The following TARS1 variants were observed in gnomAD, a reference collection of about 807,000 sequenced individuals.
TARS1 encodes threonyl-tRNA synthetase 1.
Under a neutral mutation model 97.7 loss-of-function variants are expected in TARS1, and 57 were observed. The observed-to-expected ratio is 0.58, with a 90% CI of 0.47 to 0.73. The LOEUF is 0.73. Among genes scored for constraint, TARS1 ranks in the 30% least tolerant of loss-of-function variants. The pLI, the probability that TARS1 is intolerant of heterozygous loss-of-function variation, is 0.00. For synonymous variants in TARS1, 312 were observed against 293.7 expected, an observed-to-expected ratio of 1.06 and a Z score of -0.64; for missense variants, 806 against 888.3, an observed-to-expected ratio of 0.91 and a Z score of 1.18.
chr5:33,452,927 C>T (rs893299151), intron 3 of TARS1, among the ~76,000 whole-genome samples: 14 of 150,062 alleles, frequency 9.3e-5, no homozygotes, highest in East Asian at 3.9e-4. Context: ...GGCCAGCCTG[C>T]GCAACATAGC....
intron 2 of TARS1, 96 bp from the exon 3 acceptor site, chr5:33,448,445 G>A: frequency 9.4e-7 from 1 of 1,064,656 alleles, no homozygotes; most frequent in East Asian, 2.7e-5. Context: ...AATAGTCCTG[G>A]GTTTCTGTAT....
chr5:33,455,549 C>G, intron 5 of TARS1, 38 bp from the exon 6 acceptor site: 1 of 1,368,474 alleles, frequency 7.3e-7, no homozygotes. Flanking sequence ...TGGTGTGATT[C>G]GAATGGAATG....
chr5:33,459,045 T>C (rs1273647772), intron 10 of TARS1, among the ~76,000 whole-genome samples: 1 of 152,204 alleles, frequency 6.6e-6, no homozygotes, highest in Non-Finnish European at 1.5e-5. Flanking sequence ...TACCCACATT[T>C]AACAAATATT....
In TARS1 at chr5:33,458,564, A is replaced by G. The variant is rs977587790; in HGVS notation, c.985-2A>G. On this transcript the variant is annotated splice_acceptor_variant, in intron 9 of 18. Transcript: ENST00000265112. LOFTEE classifies it high-confidence loss of function. ...ACATTCTTTTGCTTTTCTTTTACCC[A>G]GGACCAAGAACTATATTTCTTTCAT... 6.2e-7 allele frequency: 1 copy of G among 1,611,086 alleles called. No homozygotes were observed. Among genetic ancestry groups the G allele is most frequent in the Non-Finnish European group, 8.5e-7 (1 of 1,179,036 alleles).
At chr5:33,446,416 T>C (rs1156700004) in intron 2 of TARS1, among the ~76,000 whole-genome samples, 1 of 152,228 alleles carries the variant, frequency 6.6e-6, no homozygotes, top group East Asian at 1.9e-4. Context: ...TTTTTTATAC[T>C]TTCAATACAA....
intron 9 of TARS1, among the ~76,000 whole-genome samples, chr5:33,457,981 G>GACTACCTGACATTCCAGCT (rs1253216208): frequency 6.6e-6 from 1 of 152,138 alleles, no homozygotes; most frequent in Non-Finnish European, 1.5e-5. Flanking sequence ...TTGCACCCCT[G>GACTACCTGACATTCCAGCT]ACTACCTGAC....
chr5:33,466,069 G>T (rs181715804), intron 17 of TARS1: 1 of 152,290 alleles, frequency 6.6e-6, no homozygotes, highest in South Asian at 2.1e-4. Context: ...TAACTTCTGC[G>T]TCTACAAAAA....
rs1241489498 is a variant in TARS1, at chr5:33,443,323, CT to C, written c.58-2000del. 4.7e-4 allele frequency among the ~76,000 whole-genome samples: 22 copies of C among 46,504 alleles called. 1 individual carries two copies. The highest frequency in any genetic ancestry group is 2.6e-3 in the Admixed American group (15 of 5,808). 30.5% of individuals were successfully genotyped at this position (46,504 alleles called of 152,430 possible). ...GGTGATTCCCTCTCTCTCTCTCCCT[CT>C]CTCTCTCTCTCTCTCTCTCTCTCTC... On this transcript the variant is annotated intron_variant, in intron 1 of 18. Transcript: ENST00000265112.
intron 12 of TARS1, 30 bp downstream of exon 12, chr5:33,461,094 A>G (rs1449865661): frequency 1.2e-6 from 2 of 1,600,734 alleles, no homozygotes; most frequent in Non-Finnish European, 1.7e-6. Flanking sequence ...AAATACTTAG[A>G]AAGAAGAGTC....
At position 33,467,624 on chromosome 5, in the gene TARS1, CG is replaced by C. The variant is rs1561081598; in HGVS notation, c.2092del (p.Glu698AsnfsTer51). On this transcript the variant is annotated frameshift_variant, in exon 19 of 19. Transcript: ENST00000265112. LOFTEE classifies it low-confidence loss of function (END_TRUNC). ...NIRTRDNKVHGERTISETIER... is the reference protein window; with the variant it reads ...NIRTRDNKVHXERTISETIER... ...TCCGCACAAGAGACAATAAGGTCCA[CG>C]GGGAACGCACCATTTCTGAAACTAT... 1 of 1,613,860 alleles carries C rather than the reference CG, an allele frequency of 6.2e-7. No homozygotes were observed. Among genetic ancestry groups the C allele is most frequent in the Admixed American group, 1.7e-5 (1 of 59,944 alleles).
chr5:33,461,222 C>G lies in TARS1; in HGVS notation c.1478C>G (p.Ser493Cys), dbSNP rs1742277425. The change falls in exon 13 of 19, where the codon TCT becomes TGT. Residue 493 changes from serine to cysteine, a missense_variant. Coordinates refer to ENST00000265112, the MANE Select transcript of TARS1 (RefSeq NM_152295.5). ...ACGGTATATAGCGTATTTGGATTTTCTTTTAAACTAAACCTTTCTACTCGC... is the reference window on the plus strand; with the variant it reads ...ACGGTATATAGCGTATTTGGATTTTGTTTTAAACTAAACCTTTCTACTCGC... ...LRTVYSVFGF[S>C]FKLNLSTRPE... 1 of 1,613,972 alleles carries G rather than the reference C, an allele frequency of 6.2e-7. No individual in the cohort carries two copies. The highest frequency in any genetic ancestry group is 1.3e-5 in the African/African-American group (1 of 75,016).
At position 33,453,286 on chromosome 5, in the gene TARS1, AAGTC is replaced by A; in HGVS notation, c.330-1_332del. 7.3e-7 allele frequency: 1 copy of A among 1,379,026 alleles called. No individual in the cohort carries two copies. The highest frequency in any genetic ancestry group is 1.7e-5 in the South Asian group (1 of 59,534). 85.4% of individuals were successfully genotyped at this position (1,379,026 alleles called of 1,614,324 possible). On this transcript the variant is annotated splice_acceptor_variant and coding_sequence_variant, in exon 4 of 19. Coordinates refer to ENST00000265112, the MANE Select transcript of TARS1 (RefSeq NM_152295.5). LOFTEE classifies it high-confidence loss of function. ...GACTTTTTTTTTTTTTTTTTTTTTT[AAGTC>A]AAGGCCTGGCCGACAACACCGTTAT... is the stretch of plus-strand genomic sequence containing the variant.
intron 2 of TARS1, among the ~76,000 whole-genome samples, chr5:33,447,390 G>A (rs899589362): frequency 6.6e-6 from 1 of 152,088 alleles, no homozygotes; most frequent in African/African-American, 2.4e-5. Flanking sequence ...GGGACTACAG[G>A]TGTGCGCCAC....
At chr5:33,465,545 T>C (rs990611323) in intron 17 of TARS1, among the ~76,000 whole-genome samples, 1 of 152,188 alleles carries the variant, frequency 6.6e-6, no homozygotes, top group African/African-American at 2.4e-5. Flanking sequence ...TTCTTTAAAG[T>C]AGTTATAAGT....
At position 33,454,886 on chromosome 5, in the gene TARS1, A is replaced by G. The variant is rs1403958125; in HGVS notation, c.454-59A>G. 7.6e-6 allele frequency: 12 copies of G among 1,580,730 alleles called. No homozygotes were observed. The East Asian group carries it at 9.0e-5, about 12-fold the overall frequency. On this transcript the variant is annotated intron_variant, in intron 4 of 18. Transcript: ENST00000265112. ...TCATCTGTCTCTTTCAGACAACCACATTAATTGGCAACTTGTATGCCAAGA... is the reference window on the plus strand; with the variant it reads ...TCATCTGTCTCTTTCAGACAACCACGTTAATTGGCAACTTGTATGCCAAGA...
chr5:33,442,495 C>T (rs181059120), intron 1 of TARS1, among the ~76,000 whole-genome samples: 8 of 152,008 alleles, frequency 5.3e-5, no homozygotes, highest in African/African-American at 1.9e-4. Context: ...GTACTAAATA[C>T]GAGTTTGGCA....
intron 1 of TARS1, among the ~76,000 whole-genome samples, chr5:33,443,416 A>G (rs1308574620): frequency 6.6e-6 from 1 of 151,152 alleles, no homozygotes; most frequent in East Asian, 2.0e-4. Context: ...TATCAGAAAT[A>G]TAAAACTTAT....
intron 17 of TARS1, among the ~76,000 whole-genome samples, chr5:33,466,607 G>A (rs770605709): frequency 9.8e-5 from 14 of 142,650 alleles, no homozygotes; most frequent in African/African-American, 3.5e-4. Flanking sequence ...TTAATAAATT[G>A]TAATCTAGTT....
chr5:33,443,498 CGTT>C (rs1328066065), intron 1 of TARS1, among the ~76,000 whole-genome samples: 12 of 99,716 alleles, frequency 1.2e-4, no homozygotes, highest in East Asian at 8.1e-4. Context: ...TTTTTGTTGT[CGTT>C]GTTGTTGTTG....
Sources: allele counts gnomAD v4.1 joint callset (sites outside exome capture counted in the v4.1 genomes callset), GRCh38; gene constraint gnomAD v4.1.1; transcripts MANE v1.5; gene names NCBI Gene and HGNC (gene_info 2026-07-23, HGNC 2026-07-21).